EPAS1: variants seen among roughly 807,000 people sequenced by gnomAD.
The protein encoded by EPAS1 is endothelial PAS domain protein 1.
EPAS1 carries 23 observed loss-of-function variants against 87.9 expected under a neutral mutation model. That is an observed-to-expected ratio of 0.26 (90% CI 0.19 to 0.37). The LOEUF is 0.37. EPAS1 is among the 10% of genes least tolerant of loss of function. The pLI is 1.00. For synonymous variants in EPAS1, 508 were observed against 444.3 expected, an observed-to-expected ratio of 1.14 and a Z score of -1.80; for missense variants, 1,138 against 1,120.7, an observed-to-expected ratio of 1.02 and a Z score of -0.22.
intron 1 of EPAS1, among the ~76,000 whole-genome samples, chr2:46,301,147 G>T (rs1383628761): frequency 6.6e-6 from 1 of 152,084 alleles, no homozygotes; most frequent in Non-Finnish European, 1.5e-5. Flanking sequence ...TTTTTCAGTG[G>T]TGCTTATAGG....
intron 1 of EPAS1, among the ~76,000 whole-genome samples, chr2:46,304,134 G>A (rs547388184): frequency 1.7e-4 from 26 of 152,348 alleles, no homozygotes; most frequent in African/African-American, 6.0e-4. Flanking sequence ...TTCTAGGAAT[G>A]TATGTGGTCT....
At chr2:46,356,907 G>C in intron 4 of EPAS1, 99 bp downstream of exon 4, 1 of 879,186 alleles carries the variant, frequency 1.1e-6, no homozygotes, top group Non-Finnish European at 1.9e-6. Context: ...TGGCCCTTGT[G>C]ATGCAGGAAA....
In EPAS1 at chr2:46,332,723, C is replaced by T. The variant is rs751957789; in HGVS notation, c.27-14150C>T. Among the ~76,000 whole-genome samples, 7 of 152,096 alleles carry T rather than the reference C, an allele frequency of 4.6e-5. No homozygotes were observed. In the South Asian group the frequency reaches 1.5e-3, roughly 32 times the overall value. ...CCCTGGGGCTTGGCCCATTTTCTCA[C>T]CTCTATGTTATATCACCAGAAGGGT... On this transcript the variant is annotated intron_variant, in intron 1 of 15. Coordinates refer to ENST00000263734, the MANE Select transcript of EPAS1 (RefSeq NM_001430.5).
chr2:46,332,705 G>C (rs375796232), intron 1 of EPAS1, among the ~76,000 whole-genome samples: 1 of 152,132 alleles, frequency 6.6e-6, no homozygotes, highest in African/African-American at 2.4e-5. Context: ...TCCCCCTGGG[G>C]CTTGGCCCAT....
intron 2 of EPAS1, among the ~76,000 whole-genome samples, chr2:46,349,709 C>A (rs1008244496): frequency 5.3e-5 from 8 of 152,260 alleles, no homozygotes; most frequent in African/African-American, 1.9e-4. Flanking sequence ...GGTTTCTCAG[C>A]ACCCGCTTTT....
chr2:46,382,453 C>T lies in EPAS1; in HGVS notation c.2316C>T (p.Gly772=), dbSNP rs762098468. The part of the protein sequence containing the change: ...NDKFTQNPMR[G]LGHPLRHLPL... ...AGTTCACCCAAAACCCCATGAGGGG[C>T]CTGGGCCATCCCCTGAGACATCTGC... The change falls in exon 15 of 16, where the codon GGC becomes GGT. Residue 772 remains glycine (G), a synonymous_variant. Transcript: ENST00000263734. 2 of 1,614,146 alleles carry T rather than the reference C, an allele frequency of 1.2e-6. No individual in the cohort carries two copies. Among genetic ancestry groups the T allele is most frequent in the Non-Finnish European group, 1.7e-6 (2 of 1,180,032 alleles).
Position 46,297,947 on chromosome 2 carries a change from C to T in EPAS1, c.26+10C>T, listed in dbSNP as rs1682918209. ...ACAAGGAGAAGAAAAGGTAAGCGGGCGTCCGGGCCGATCAGGGGGCCGGTC... is the reference window on the plus strand; with the variant it reads ...ACAAGGAGAAGAAAAGGTAAGCGGGTGTCCGGGCCGATCAGGGGGCCGGTC... On this transcript the variant is annotated intron_variant, in intron 1 of 15. Coordinates refer to ENST00000263734, the MANE Select transcript of EPAS1 (RefSeq NM_001430.5). The T allele has an allele frequency of 5.0e-6, 8 of 1,612,118 alleles. No homozygotes were observed. Among genetic ancestry groups the T allele is most frequent in the Non-Finnish European group, 6.8e-6 (8 of 1,179,200 alleles).
At chr2:46,344,400 T>C (rs1683975648) in intron 1 of EPAS1, among the ~76,000 whole-genome samples, 1 of 152,234 alleles carries the variant, frequency 6.6e-6, no homozygotes, top group African/African-American at 2.4e-5. Flanking sequence ...TGGCCCCTGA[T>C]GACGAGGTTA....
intron 1 of EPAS1, among the ~76,000 whole-genome samples, chr2:46,321,671 G>A (rs1044494657): frequency 6.6e-6 from 1 of 151,888 alleles, no homozygotes; most frequent in African/African-American, 2.4e-5. Flanking sequence ...CATATTGCCT[G>A]TTCCTTGCCC....
chr2:46,312,280 C>T (rs1409331293), intron 1 of EPAS1, among the ~76,000 whole-genome samples: 2 of 152,184 alleles, frequency 1.3e-5, no homozygotes, highest in African/African-American at 4.8e-5. Flanking sequence ...GAGGAGCTCT[C>T]AAGTCTCTAG....
At chr2:46,313,698 G>A (rs978675534) in intron 1 of EPAS1, among the ~76,000 whole-genome samples, 1 of 152,072 alleles carries the variant, frequency 6.6e-6, no homozygotes, top group Non-Finnish European at 1.5e-5. Context: ...TGATCTGCCC[G>A]CCTTGGCCTC....
intron 7 of EPAS1, among the ~76,000 whole-genome samples, chr2:46,373,237 A>C (rs1340883709): frequency 6.6e-6 from 1 of 152,256 alleles, no homozygotes; most frequent in Admixed American, 6.5e-5. Flanking sequence ...GCAGCTTCTT[A>C]TAAACATATA....
rs62136990 is a variant in EPAS1, at chr2:46,327,117, T to G, written c.27-19756T>G. Among the ~76,000 whole-genome samples the G allele has an allele frequency of 5.9e-4, 90 of 152,334 alleles. 1 individual carries two copies. The highest frequency in any genetic ancestry group is 1.9e-3 in the South Asian group (9 of 4,832). On this transcript the variant is annotated intron_variant, in intron 1 of 15. Coordinates refer to ENST00000263734, the MANE Select transcript of EPAS1 (RefSeq NM_001430.5). Reference sequence around the variant, plus strand: ...GCTAGTGACTTACAACCTCCAGGTCTCAGTTTCCTCATCTGTACAATGAAG... The same window carrying G: ...GCTAGTGACTTACAACCTCCAGGTCGCAGTTTCCTCATCTGTACAATGAAG...
chr2:46,383,093 A>C (rs759029335), intron 15 of EPAS1, among the ~76,000 whole-genome samples: 2 of 152,228 alleles, frequency 1.3e-5, no homozygotes, highest in Non-Finnish European at 2.9e-5. Context: ...TGCTGCGTGG[A>C]GAAGGGAGTG....
At chr2:46,304,520 C>CT (rs1196985094) in intron 1 of EPAS1, among the ~76,000 whole-genome samples, 2 of 152,054 alleles carry the variant, frequency 1.3e-5, no homozygotes, top group Admixed American at 6.5e-5. Flanking sequence ...AATTACTTTT[C>CT]TTTTTTGTGA....
intron 1 of EPAS1, among the ~76,000 whole-genome samples, chr2:46,318,191 C>CACACACAA (rs1683381873): frequency 1.3e-5 from 2 of 151,682 alleles, no homozygotes; most frequent in South Asian, 4.2e-4. Context: ...TACACACACA[C>CACACACAA]ACACACAAAC....
At chr2:46,303,530 G>A (rs1225750271) in intron 1 of EPAS1, among the ~76,000 whole-genome samples, 2 of 152,140 alleles carry the variant, frequency 1.3e-5, no homozygotes, top group African/African-American at 4.8e-5. Context: ...AGACAACAGG[G>A]GTAGTAATTT....
intron 7 of EPAS1, 85 bp downstream of exon 7, chr2:46,370,018 C>A (rs911535122): frequency 3.1e-6 from 3 of 982,224 alleles, no homozygotes; most frequent in African/African-American, 3.2e-5. Flanking sequence ...GACAGAAGAC[C>A]AGGTCACTTC....
At position 46,363,016 on chromosome 2, in the gene EPAS1, G is replaced by GAT. The variant is rs1299039134; in HGVS notation, c.779+1926_779+1927insAT. Among the ~76,000 whole-genome samples, 535 of 149,894 alleles carry GAT rather than the reference G, an allele frequency of 3.6e-3. 14 individuals carry two copies. Among genetic ancestry groups the GAT allele is most frequent in the South Asian group, 7.9e-3 (37 of 4,694 alleles). Reference sequence around the variant, plus strand: ...TGGTGGTGGTGGTGGTGGTGGTGGTGGTGATAATGATGGTGGTTCAAGAAG... The same window carrying GAT: ...TGGTGGTGGTGGTGGTGGTGGTGGTGATGTGATAATGATGGTGGTTCAAGAAG... On this transcript the variant is annotated intron_variant, in intron 6 of 15. Transcript: ENST00000263734.
Sources: allele counts gnomAD v4.1 joint callset (sites outside exome capture counted in the v4.1 genomes callset), GRCh38; gene constraint gnomAD v4.1.1; transcripts MANE v1.5; gene names NCBI Gene and HGNC (gene_info 2026-07-23, HGNC 2026-07-21).